IP6K1: variants seen among roughly 807,000 people sequenced by gnomAD.
IP6K1 encodes ATP:1D-myo-inositol-hexakisphosphate phosphotransferase.
In IP6K1, 13 loss-of-function variants were observed where a neutral mutation model predicts 38.3. That is an observed-to-expected ratio of 0.34 (90% CI 0.22 to 0.54). The LOEUF (loss-of-function observed/expected upper bound fraction) is 0.54. IP6K1 is among the 20% of genes least tolerant of loss of function. The pLI is 0.92. For missense variants in IP6K1, 397 were observed against 599.8 expected (o/e 0.66, Z 3.53); for synonymous variants, 212 against 229.9 (o/e 0.92, Z 0.70).
chr3:49,778,878 A>C (rs922803703), intron 1 of IP6K1, among the ~76,000 whole-genome samples: 1 of 152,160 alleles, frequency 6.6e-6, no homozygotes, highest in Non-Finnish European at 1.5e-5. Context: ...CTACTGCCTC[A>C]GCCTCCAAAG....
At chr3:49,779,014 A>G (rs1243512988) in intron 1 of IP6K1, among the ~76,000 whole-genome samples, 43 of 152,332 alleles carry the variant, frequency 2.8e-4, no homozygotes, top group Admixed American at 2.7e-3. Flanking sequence ...GATTTTAAGT[A>G]TAAAATTTAA....
chr3:49,775,619 T>C, intron 1 of IP6K1: 1 of 914,460 alleles, frequency 1.1e-6, no homozygotes, highest in Non-Finnish European at 1.6e-6. Context: ...AGGTGATTGG[T>C]GGGTGGCCCC....
At chr3:49,777,230 T>C (rs1036163000) in intron 1 of IP6K1, among the ~76,000 whole-genome samples, 1 of 152,006 alleles carries the variant, frequency 6.6e-6, no homozygotes, top group African/African-American at 2.4e-5. Flanking sequence ...AGCAAGACTC[T>C]GTCTCCAAAA....
chr3:49,738,247 C>T lies in IP6K1; in HGVS notation c.399G>A (p.Glu133=), dbSNP rs145906733. Residue 133 remains glutamate (E), a synonymous_variant, in exon 3 of 6, where the codon GAG becomes GAA. Transcript: ENST00000321599. ...HRSGSGSDHK[E]EKASLSLETS... is the part of the protein sequence containing the mutation. ...TCTCAAGGGACAGGCTGGCTTTCTC[C>T]TCCTTGTGGTCACTGCCACTGCCTG... The T allele has an allele frequency of 3.6e-4, 577 of 1,614,220 alleles. No homozygotes were observed. Among genetic ancestry groups the T allele is most frequent in the Non-Finnish European group, 4.6e-4 (542 of 1,180,034 alleles).
At chr3:49,773,324 A>G (rs1411242003) in intron 1 of IP6K1, among the ~76,000 whole-genome samples, 1 of 152,212 alleles carries the variant, frequency 6.6e-6, no homozygotes, top group African/African-American at 2.4e-5. Context: ...AGATAGCCAC[A>G]TACTGGCCGG....
At chr3:49,748,542 G>T (rs2080744159) in intron 1 of IP6K1, among the ~76,000 whole-genome samples, 1 of 152,218 alleles carries the variant, frequency 6.6e-6, no homozygotes, top group African/African-American at 2.4e-5. Context: ...ATGGGAATTT[G>T]TTCTGTTCAG....
chr3:49,724,774 G>A lies in IP6K1; in HGVS notation c.*2348C>T, dbSNP rs1445836266. Reference sequence around the variant, plus strand: ...CTCACTGCACAGGCCCAGAGAGGGAGGGGTGGGGTCCCTGGCAAGTTGCTA... The same window carrying A: ...CTCACTGCACAGGCCCAGAGAGGGAAGGGTGGGGTCCCTGGCAAGTTGCTA... On this transcript the variant is annotated 3_prime_UTR_variant, in exon 6 of 6. Transcript: ENST00000321599. 6.6e-6 allele frequency: 1 copy of A among 152,654 alleles called. No homozygotes were observed. Among genetic ancestry groups the A allele is most frequent in the East Asian group, 1.9e-4 (1 of 5,194 alleles). The allele number at this position is 152,654 out of a possible 1,614,324, so 9.5% of individuals were successfully genotyped here. A position where few individuals can be genotyped will look rare whatever the true frequency, so the allele number is the denominator to read the frequency against.
chr3:49,753,774 C>T (rs1037807327), intron 1 of IP6K1, among the ~76,000 whole-genome samples: 9 of 152,016 alleles, frequency 5.9e-5, no homozygotes, highest in Non-Finnish European at 1.2e-4. Context: ...CCAGAACAAA[C>T]GGGTCATGTG....
intron 3 of IP6K1, among the ~76,000 whole-genome samples, chr3:49,737,016 C>A (rs1575306636): frequency 6.6e-6 from 1 of 151,460 alleles, no homozygotes; most frequent in East Asian, 2.0e-4. Flanking sequence ...TCGTGATCTG[C>A]CTGCCTTGGC....
chr3:49,745,557 T>A (rs2080713152), intron 2 of IP6K1, among the ~76,000 whole-genome samples: 1 of 152,004 alleles, frequency 6.6e-6, no homozygotes, highest in Non-Finnish European at 1.5e-5. Flanking sequence ...CCGTCTCTAC[T>A]AAAAATACAA....
At chr3:49,771,188 CAA>C (rs35601566) in intron 1 of IP6K1, among the ~76,000 whole-genome samples, 1,965 of 72,434 alleles carry the variant, frequency 0.027, 38 homozygotes, top group African/African-American at 0.087. Flanking sequence ...AACTCAGTAA[CAA>C]AAAAAAAAAA....
At chr3:49,747,774 T>A in intron 2 of IP6K1, 44 bp downstream of exon 2, 1 of 1,611,708 alleles carries the variant, frequency 6.2e-7, no homozygotes, top group Non-Finnish European at 8.5e-7. Context: ...AAGGGGTCTA[T>A]AAGCCCAAGG....
intron 1 of IP6K1, among the ~76,000 whole-genome samples, chr3:49,760,477 AGTCG>A (rs1044133180): frequency 6.6e-6 from 1 of 152,004 alleles, no homozygotes; most frequent in African/African-American, 2.4e-5. Context: ...TACAAAAATT[AGTCG>A]GGCATGGTGG....
At chr3:49,773,174 T>G (rs1005808269) in intron 1 of IP6K1, among the ~76,000 whole-genome samples, 2 of 152,194 alleles carry the variant, frequency 1.3e-5, no homozygotes, top group African/African-American at 4.8e-5. Flanking sequence ...AAAGTAATAC[T>G]GTAAACAGTC....
chr3:49,771,002 C>T (rs1026841127), intron 1 of IP6K1, among the ~76,000 whole-genome samples: 6 of 151,656 alleles, frequency 4.0e-5, no homozygotes, highest in African/African-American at 1.2e-4. Flanking sequence ...ACATGTAGTC[C>T]TAGCTACTAG....
In IP6K1 at chr3:49,748,143, G is replaced by A. The variant is rs903251239; in HGVS notation, c.-103C>T. On this transcript the variant is annotated 5_prime_UTR_variant, in exon 2 of 6. Transcript: ENST00000321599. Reference sequence around the variant, plus strand: ...CTGGCCAGGTGAAAGCCAATGGTCAGATTCTATTCAGCTTATTATTCTGTC... The same window carrying A: ...CTGGCCAGGTGAAAGCCAATGGTCAAATTCTATTCAGCTTATTATTCTGTC... 4 of 1,147,446 alleles carry A rather than the reference G, an allele frequency of 3.5e-6. No individual in the cohort carries two copies. The highest frequency in any genetic ancestry group is 5.0e-5 in the East Asian group (2 of 40,320). 71.1% of individuals were successfully genotyped at this position (1,147,446 alleles called of 1,614,324 possible). A position where few individuals can be genotyped will look rare whatever the true frequency, so the allele number is the denominator to read the frequency against.
At chr3:49,785,275 A>AG (rs61244502) in intron 1 of IP6K1, among the ~76,000 whole-genome samples, 40,295 of 151,700 alleles carry the variant, frequency 0.27, 5,674 homozygotes, top group African/African-American at 0.32. Flanking sequence ...TGGGAGGCCA[A>AG]GGGGGGTGGA....
At chr3:49,750,183 C>A (rs1192582620) in intron 1 of IP6K1, among the ~76,000 whole-genome samples, 1 of 152,114 alleles carries the variant, frequency 6.6e-6, no homozygotes, top group East Asian at 1.9e-4. Context: ...TGGAGGTGGT[C>A]ATTGCAGCTG....
Position 49,732,981 on chromosome 3 carries a change from G to A in IP6K1, c.435-9C>T. 6.2e-7 allele frequency: 1 copy of A among 1,608,272 alleles called. No homozygotes were observed. Among genetic ancestry groups the A allele is most frequent in the Non-Finnish European group, 8.5e-7 (1 of 1,175,364 alleles). On this transcript the variant is annotated splice_polypyrimidine_tract_variant and intron_variant, in intron 3 of 5. Coordinates refer to ENST00000321599, the MANE Select transcript of IP6K1 (RefSeq NM_153273.4). ...TCTTTGCCTCCTGTGAGCTAAGAAG[G>A]AAGAACATACACATCACTAAGAAAC...
Sources: allele counts gnomAD v4.1 joint callset (sites outside exome capture counted in the v4.1 genomes callset), GRCh38; gene constraint gnomAD v4.1.1; transcripts MANE v1.5; gene names NCBI Gene and HGNC (gene_info 2026-07-23, HGNC 2026-07-21).